USP34: variants seen among roughly 807,000 people sequenced by gnomAD.
USP34 encodes ubiquitin specific peptidase 34, also known as ubiquitin carboxyl-terminal hydrolase 34.
USP34 carries 70 observed loss-of-function variants against 460.3 expected under a neutral mutation model. The observed-to-expected ratio is 0.15, with a 90% CI of 0.13 to 0.19. The LOEUF (loss-of-function observed/expected upper bound fraction) is 0.19, where lower values mean the gene tolerates loss of function less well. Ranked by LOEUF, USP34 falls within the 10% of genes least tolerant of loss-of-function variation. The pLI, the probability that USP34 is intolerant of heterozygous loss-of-function variation, is 1.00. For synonymous variants in USP34, 1,647 were observed against 1,405.3 expected, an observed-to-expected ratio of 1.17 and a Z score of -3.85; for missense variants, 3,985 against 4,236.2, an observed-to-expected ratio of 0.94 and a Z score of 1.65.
intron 53 of USP34, among the ~76,000 whole-genome samples, chr2:61,240,090 T>C (rs900185888): frequency 3.9e-5 from 6 of 152,184 alleles, no homozygotes; most frequent in African/African-American, 1.2e-4. Flanking sequence ...AAAGCTGAAT[T>C]GCCTAGACAA....
At chr2:61,273,332 TTTTA>T (rs1356620252) in intron 41 of USP34, among the ~76,000 whole-genome samples, 2 of 152,172 alleles carry the variant, frequency 1.3e-5, no homozygotes, top group Non-Finnish European at 2.9e-5. Context: ...AGTAACACAA[TTTTA>T]TTTTTTTAAA....
In USP34 at chr2:61,240,298, A is replaced by AT. The variant is rs553359868; in HGVS notation, c.6777+1261dup. Among the ~76,000 whole-genome samples, 88 of 151,278 alleles carry AT rather than the reference A, an allele frequency of 5.8e-4. 2 individuals carry two copies. In the South Asian group the frequency reaches 0.016, roughly 27 times the overall value. On this transcript the variant is annotated intron_variant, in intron 53 of 79. Coordinates refer to ENST00000398571, the MANE Select transcript of USP34 (RefSeq NM_014709.4). ...TTGTATTCCTTAATATGTAAAATAC[A>AT]TTTTTTTTTGAGACAGTATCTCACT...
At chr2:61,222,908 G>T in intron 64 of USP34, 152 bp downstream of exon 64, 1 of 732,672 alleles carries the variant, frequency 1.4e-6, no homozygotes, top group Non-Finnish European at 2.2e-6. Flanking sequence ...TGTTGCCTAG[G>T]CTGGTCTCAA....
chr2:61,456,600 T>C (rs1695447331), intron 1 of USP34, among the ~76,000 whole-genome samples: 1 of 152,094 alleles, frequency 6.6e-6, no homozygotes, highest in Admixed American at 6.6e-5. Flanking sequence ...GGAGATCACT[T>C]GAGCCCAGGA....
intron 58 of USP34, among the ~76,000 whole-genome samples, chr2:61,230,502 T>A (rs1331651936): frequency 1.3e-5 from 2 of 151,832 alleles, no homozygotes; most frequent in Admixed American, 1.3e-4. Flanking sequence ...CCAGCCTGGT[T>A]GACAGAGTGA....
intron 2 of USP34, among the ~76,000 whole-genome samples, chr2:61,412,790 G>C (rs1021889960): frequency 6.6e-6 from 1 of 150,636 alleles, no homozygotes; most frequent in Non-Finnish European, 1.5e-5. Flanking sequence ...TTGGGAGGCA[G>C]AGGTGGGAGA....
chr2:61,278,442 G>A lies in USP34; in HGVS notation c.5258C>T (p.Thr1753Ile), dbSNP rs1689437749. Residue 1753 changes from threonine to isoleucine, a missense_variant and splice_region_variant, in exon 40 of 80, where the codon ACA becomes ATA. This residue lies in a region of USP34 where 1,114 missense variants were observed against 1,122.5 expected (regional missense o/e 0.99). Coordinates refer to ENST00000398571, the MANE Select transcript of USP34 (RefSeq NM_014709.4). Reference protein sequence around the residue: ...DNIHIKDASQTTLLDLDALAR... With the variant: ...DNIHIKDASQITLLDLDALAR... ...CAAGGCATCTAAGTCGAGGAGCGTT[G>A]TCTTAATACAAAAAGAAAATAAAAA... is the stretch of plus-strand genomic sequence containing the variant. The A allele has an allele frequency of 1.3e-6, 2 of 1,543,770 alleles. No homozygotes were observed. Among genetic ancestry groups the A allele is most frequent in the Non-Finnish European group, 8.7e-7 (1 of 1,151,212 alleles).
intron 8 of USP34, among the ~76,000 whole-genome samples, chr2:61,372,505 G>A (rs149915992): frequency 6.2e-4 from 94 of 152,212 alleles, no homozygotes; most frequent in African/African-American, 2.2e-3. Flanking sequence ...GAGGTCGAGG[G>A]GACTGCTTGA....
intron 1 of USP34, among the ~76,000 whole-genome samples, chr2:61,462,164 G>C (rs1229184858): frequency 6.6e-6 from 1 of 151,492 alleles, no homozygotes; most frequent in African/African-American, 2.4e-5. Flanking sequence ...GCTTGAACCC[G>C]GGAGGCGGAG....
rs1323743364 is a variant in USP34, at chr2:61,301,945, G to A, written c.3818-491C>T. Among the ~76,000 whole-genome samples, 3 of 150,324 alleles carry A rather than the reference G, an allele frequency of 2.0e-5. No individual in the cohort carries two copies. The South Asian group carries it at 6.3e-4, about 32-fold the overall frequency. ...CTGGGAAGGGATGGGAGGGTGAGGA[G>A]AAAAAAGAGAGGGAAGGAAAGGAAA... On this transcript the variant is annotated intron_variant, in intron 27 of 79. Coordinates refer to ENST00000398571, the MANE Select transcript of USP34 (RefSeq NM_014709.4).
In USP34 at chr2:61,348,337, G is replaced by A. The variant is rs780920358; in HGVS notation, c.1818C>T (p.Gly606=). 6.8e-6 allele frequency: 11 copies of A among 1,614,080 alleles called. No homozygotes were observed. The East Asian group carries it at 2.2e-4, about 33-fold the overall frequency. The part of the protein sequence containing the change: ...SHASQSAGSP[G]SEVQSEDIAD... Reference sequence around the variant, plus strand: ...CAATGTCTTCTGACTGTACCTCACTGCCAGGGCTCCCAGCTGACTGGCTTG... The same window carrying A: ...CAATGTCTTCTGACTGTACCTCACTACCAGGGCTCCCAGCTGACTGGCTTG... Residue 606 remains glycine, a synonymous_variant, in exon 15 of 80, where the codon GGC becomes GGT. Coordinates refer to ENST00000398571, the MANE Select transcript of USP34 (RefSeq NM_014709.4).
At chr2:61,279,657 G>T (rs1176288351) in intron 39 of USP34, among the ~76,000 whole-genome samples, 3 of 151,990 alleles carry the variant, frequency 2.0e-5, no homozygotes, top group Non-Finnish European at 2.9e-5. Context: ...GTAGAGATGG[G>T]GTTTCACCAT....
In USP34 at chr2:61,331,291, C is replaced by T; in HGVS notation, c.2915G>A (p.Arg972Lys). 1 of 1,612,116 alleles carries T rather than the reference C, an allele frequency of 6.2e-7. No homozygotes were observed. Among genetic ancestry groups the T allele is most frequent in the Non-Finnish European group, 8.5e-7 (1 of 1,178,968 alleles). ...VYYIQTVREG[R>K]QKHALYSHSA... ...AGGTACTTACAGTGCATGTTTTTGT[C>T]TTCCTTCTCTCACAGTTTGAATGTA... The change falls in exon 20 of 80, where the codon AGA (arginine) becomes AAA (lysine). Residue 972 changes from arginine (R) to lysine (K), a missense_variant. By Grantham distance (26) the Arg-to-Lys change is conservative. Around this residue, in one of 14 missense-constraint regions of USP34, gnomAD observed 1,114 missense variants for 1,122.5 expected, o/e 0.99. Coordinates refer to ENST00000398571, the MANE Select transcript of USP34 (RefSeq NM_014709.4).
intron 1 of USP34, among the ~76,000 whole-genome samples, chr2:61,439,149 C>G (rs141745107): frequency 6.6e-6 from 1 of 152,176 alleles, no homozygotes; most frequent in Non-Finnish European, 1.5e-5. Context: ...TGGTGGCTCA[C>G]GCCTGTAATC....
At chr2:61,350,491 A>T in intron 11 of USP34, 77 bp downstream of exon 11, 1 of 1,562,100 alleles carries the variant, frequency 6.4e-7, no homozygotes, top group Non-Finnish European at 8.6e-7. Context: ...ATAAAATGAA[A>T]GTTAAATTAT....
intron 20 of USP34, among the ~76,000 whole-genome samples, chr2:61,330,814 G>A (rs7572600): frequency 0.15 from 22,048 of 151,986 alleles, 2,160 homozygotes; most frequent in South Asian, 0.36. Flanking sequence ...AAATATTAAT[G>A]ATATACCACC....
At chr2:61,335,944 A>G (rs1443053335) in intron 18 of USP34, among the ~76,000 whole-genome samples, 1 of 152,202 alleles carries the variant, frequency 6.6e-6, no homozygotes, top group Non-Finnish European at 1.5e-5. Context: ...CTTAGAACAG[A>G]GACATTCACT....
chr2:61,234,516 G>C (rs1037915402), intron 57 of USP34, among the ~76,000 whole-genome samples: 1 of 152,176 alleles, frequency 6.6e-6, no homozygotes, highest in Non-Finnish European at 1.5e-5. Context: ...GGAGAGTGGG[G>C]AAAGAGGAAG....
chr2:61,331,424 A>C, intron 19 of USP34, 53 bp from the exon 20 acceptor site: 4 of 1,455,376 alleles, frequency 2.7e-6, no homozygotes, highest in Non-Finnish European at 3.7e-6. Context: ...TAAGAGAATA[A>C]ATCTATGCTA....
Sources: allele counts gnomAD v4.1 joint callset (sites outside exome capture counted in the v4.1 genomes callset), GRCh38; gene constraint gnomAD v4.1.1; regional missense constraint gnomAD v4.1.1; transcripts MANE v1.5; gene names NCBI Gene and HGNC (gene_info 2026-07-23, HGNC 2026-07-21).